TOX2: variants seen among roughly 807,000 people sequenced by gnomAD.
TOX2 encodes granulosa cell HMG box 1.
TOX2 carries 15 observed loss-of-function variants against 47.4 expected under a neutral mutation model. The ratio of observed to expected loss-of-function variants is 0.32; its 90% CI spans 0.21 to 0.49. The LOEUF (loss-of-function observed/expected upper bound fraction) is 0.49, where lower values mean the gene tolerates loss of function less well. Among genes scored for constraint, TOX2 ranks in the 20% least tolerant of loss-of-function variants. TOX2 has a pLI of 0.99. For synonymous variants in TOX2, 290 were observed against 296.6 expected (o/e 0.98, Z 0.23); for missense variants, 622 against 673.1 (o/e 0.92, Z 0.84).
intron 1 of TOX2, among the ~76,000 whole-genome samples, chr20:43,930,382 TCTC>T (rs1191532026): frequency 6.6e-6 from 1 of 152,166 alleles, no homozygotes; most frequent in East Asian, 1.9e-4. Flanking sequence ...ATTCTATAAT[TCTC>T]CTTGTAGAAA....
In TOX2 at chr20:44,056,556, G is replaced by A. The variant is rs892250303; in HGVS notation, c.879+2030G>A. 1.5e-4 allele frequency among the ~76,000 whole-genome samples: 23 copies of A among 152,112 alleles called. 1 individual carries two copies. The highest frequency in any genetic ancestry group is 1.5e-3 in the Admixed American group (23 of 15,288). ...CGCAGCCCAGAGGCAAGCAAAGGTG[G>A]TTGAGAGTCCCAGCCCCTGTGTCGG... On this transcript the variant is annotated intron_variant, in intron 5 of 8. Coordinates refer to ENST00000341197, the MANE Select transcript of TOX2 (RefSeq NM_001098797.2).
chr20:44,054,475 G>GT lies in TOX2; in HGVS notation c.829dup (p.Ser277PhefsTer40). 1 of 1,614,042 alleles carries GT rather than the reference G, an allele frequency of 6.2e-7. No individual in the cohort carries two copies. The highest frequency in any genetic ancestry group is 8.5e-7 in the Non-Finnish European group (1 of 1,179,970). ...ACCCCAGTGCCACTTTCGGTGACGT[G>GT]TCCAAAATCGTGGCCTCCATGTGGG... On this transcript the variant is annotated frameshift_variant, in exon 5 of 9. Coordinates refer to ENST00000341197, the MANE Select transcript of TOX2 (RefSeq NM_001098797.2). LOFTEE classifies it high-confidence loss of function.
chr20:43,984,193 C>T (rs2070222565), intron 2 of TOX2, among the ~76,000 whole-genome samples: 1 of 152,178 alleles, frequency 6.6e-6, no homozygotes, highest in Non-Finnish European at 1.5e-5. Context: ...AAGCCACAAA[C>T]ATCACACTTT....
At chr20:44,040,896 G>A (rs1181846587) in intron 3 of TOX2, among the ~76,000 whole-genome samples, 1 of 152,192 alleles carries the variant, frequency 6.6e-6, no homozygotes, top group African/African-American at 2.4e-5. Context: ...GGAGCTAAGA[G>A]AGATTTTAAA....
At chr20:43,955,263 A>G (rs2069647726) in intron 1 of TOX2, 2 of 985,332 alleles carry the variant, frequency 2.0e-6, no homozygotes, top group South Asian at 4.7e-5. Flanking sequence ...AGAGCTGTGG[A>G]TCTGTGCATG....
intron 1 of TOX2, among the ~76,000 whole-genome samples, chr20:43,930,028 G>A (rs112228430): frequency 0.018 from 2,761 of 152,194 alleles, 92 homozygotes; most frequent in African/African-American, 0.062. Flanking sequence ...ATTTTTCTTC[G>A]TGGCATCATA....
At chr20:44,045,196 G>A (rs2071394124) in intron 3 of TOX2, among the ~76,000 whole-genome samples, 1 of 152,150 alleles carries the variant, frequency 6.6e-6, no homozygotes, top group South Asian at 2.1e-4. Flanking sequence ...GCTGGTGATG[G>A]CTGCATAATG....
chr20:43,969,555 G>A (rs1187242815), intron 1 of TOX2, among the ~76,000 whole-genome samples: 2 of 152,306 alleles, frequency 1.3e-5, no homozygotes, highest in East Asian at 3.9e-4. Flanking sequence ...AAGCCAGAGG[G>A]AGCCTGGGAA....
At chr20:43,955,619 G>A (rs1569031741) in intron 1 of TOX2, among the ~76,000 whole-genome samples, 1 of 152,158 alleles carries the variant, frequency 6.6e-6, no homozygotes, top group African/African-American at 2.4e-5. Context: ...TCTGACTCCT[G>A]GGTGATCCCT....
At chr20:43,950,734 C>G (rs773356191) in intron 1 of TOX2, among the ~76,000 whole-genome samples, 30 of 152,168 alleles carry the variant, frequency 2.0e-4, no homozygotes, top group Middle Eastern at 3.4e-3. Flanking sequence ...CCCAATACCC[C>G]TCACCTGCTC....
At chr20:44,036,828 C>T (rs2071249164) in intron 3 of TOX2, among the ~76,000 whole-genome samples, 1 of 152,238 alleles carries the variant, frequency 6.6e-6, no homozygotes, top group Non-Finnish European at 1.5e-5. Flanking sequence ...CTGGATCTGA[C>T]AAATATAGCG....
chr20:43,916,963 T>A lies in TOX2; in HGVS notation c.99+1973T>A, dbSNP rs1251778096. Among the ~76,000 whole-genome samples the A allele has an allele frequency of 6.6e-6, 1 of 152,044 alleles. No individual in the cohort carries two copies. The highest frequency in any genetic ancestry group is 2.4e-5 in the African/African-American group (1 of 41,384). ...TGCGAATCTCGCCGGGAAGGGCCCG[T>A]CAGGGAGGGAATGAGAAGCCGGCGA... is the stretch of plus-strand genomic sequence containing the variant. On this transcript the variant is annotated intron_variant, in intron 1 of 8. Transcript: ENST00000341197. This position sits in a 1 kb window ranked among gnomAD's most constrained non-coding sequence, Gnocchi z 5.0.
At chr20:43,948,291 G>A (rs1003313353) in intron 1 of TOX2, among the ~76,000 whole-genome samples, 1 of 152,158 alleles carries the variant, frequency 6.6e-6, no homozygotes, top group Non-Finnish European at 1.5e-5. Flanking sequence ...CCTGCCATTA[G>A]TAATTGCTGT....
chr20:43,975,606 T>C (rs1418061382), intron 2 of TOX2, among the ~76,000 whole-genome samples: 2 of 152,160 alleles, frequency 1.3e-5, no homozygotes, highest in African/African-American at 4.8e-5. Flanking sequence ...AGCCTAAATG[T>C]CACTTCTGCA....
chr20:43,976,874 A>G (rs2070089459), intron 2 of TOX2, among the ~76,000 whole-genome samples: 1 of 152,184 alleles, frequency 6.6e-6, no homozygotes, highest in African/African-American at 2.4e-5. Flanking sequence ...TATTGTCCAA[A>G]TTACTGGATT....
chr20:43,917,941 G>A (rs1475850522), intron 1 of TOX2, among the ~76,000 whole-genome samples: 2 of 152,092 alleles, frequency 1.3e-5, no homozygotes, highest in Non-Finnish European at 2.9e-5. Flanking sequence ...GGGAACCATT[G>A]GTCTCCTCCT....
rs147443888 is a variant in TOX2, at chr20:44,065,806, T to C, written c.1055T>C (p.Leu352Pro). 275 of 1,613,704 alleles carry C rather than the reference T, an allele frequency of 1.7e-4. No homozygotes were observed. Among genetic ancestry groups the C allele is most frequent in the Middle Eastern group, 3.3e-4 (2 of 6,082 alleles). The change falls in exon 7 of 9, where the codon CTG becomes CCG. Residue 352 changes from leucine to proline, a missense_variant. Physicochemically the swap from Leu to Pro is moderately conservative, Grantham distance 98. This residue lies in a region of TOX2 where 294 missense variants were observed against 300.0 expected (regional missense o/e 0.98). Coordinates refer to ENST00000341197, the MANE Select transcript of TOX2 (RefSeq NM_001098797.2). Reference sequence around the variant, plus strand: ...CAGCCCATGTATGCCATGCCAGGCCTGGCCTCCTTCCTGACGCCGTCGGAC... The same window carrying C: ...CAGCCCATGTATGCCATGCCAGGCCCGGCCTCCTTCCTGACGCCGTCGGAC... ...PKQPMYAMPG[L>P]ASFLTPSDLQ...
rs535814933 is a variant in TOX2 at position 44,044,967 on chromosome 20, G to A, written c.412-6339G>A. On this transcript the variant is annotated intron_variant, in intron 3 of 8. Coordinates refer to ENST00000341197, the MANE Select transcript of TOX2 (RefSeq NM_001098797.2). ...AAGAAAGTTCTGATTCAGCTGCCAC[G>A]TGGATGAACCTTGAGTACCTTAAGC... Among the ~76,000 whole-genome samples, 766 of 152,276 alleles carry A rather than the reference G, an allele frequency of 5.0e-3. 8 individuals are homozygous for A. Among genetic ancestry groups the A allele is most frequent in the African/African-American group, 0.018 (736 of 41,550 alleles).
chr20:43,932,363 T>A (rs1226909915), intron 1 of TOX2, among the ~76,000 whole-genome samples: 1 of 152,196 alleles, frequency 6.6e-6, no homozygotes, highest in African/African-American at 2.4e-5. Context: ...GGGACTTATA[T>A]GTATATTAAT....
Sources: gnomAD v4.1 joint callset for allele counts (sites outside exome capture counted in the v4.1 genomes callset) on GRCh38, gnomAD v4.1.1 for gene constraint, gnomAD v4.1.1 regional missense constraint, Gnocchi (gnomAD v3.1) non-coding constraint, MANE v1.5 for transcripts, NCBI Gene and HGNC (gene_info 2026-07-23, HGNC 2026-07-21) for gene names.